Variants in STK17B observed in about 807,000 individuals in gnomAD.
The protein encoded by STK17B is serine/threonine-protein kinase 17B.
In STK17B, 21 loss-of-function variants were observed where a neutral mutation model predicts 42.0. The observed-to-expected ratio is 0.50, with a 90% CI of 0.35 to 0.72. The LOEUF (loss-of-function observed/expected upper bound fraction) is 0.72. STK17B is among the 30% of genes least tolerant of loss of function. The pLI is 0.00. For synonymous variants in STK17B, 143 were observed against 148.4 expected (o/e 0.96, Z 0.26); for missense variants, 349 against 446.0 (o/e 0.78, Z 1.96).
Position 196,143,756 on chromosome 2 carries a change from T to C in STK17B, c.481-70A>G, listed in dbSNP as rs965381313. On this transcript the variant is annotated intron_variant, in intron 4 of 7. Coordinates refer to ENST00000263955, the MANE Select transcript of STK17B (RefSeq NM_004226.4). ...GCATACTAGTCTCAGATGGAAAGTA[T>C]ATTAAGTGGAAGATATTGCTCAGCT... 3.1e-6 allele frequency: 4 copies of C among 1,299,666 alleles called. No homozygotes were observed. In the African/African-American group the frequency reaches 6.1e-5, roughly 20 times the overall value. The allele number at this position is 1,299,666 out of a possible 1,614,324, so 80.5% of individuals were successfully genotyped here.
chr2:196,145,848 T>C (rs1272142852), intron 4 of STK17B, 63 bp downstream of exon 4: 4 of 1,457,476 alleles, frequency 2.7e-6, no homozygotes, highest in African/African-American at 1.4e-5. Context: ...AGTTTGCAAC[T>C]GTGCATACTA....
At position 196,135,777 on chromosome 2, in the gene STK17B, C is replaced by CAAAAAAAAAAAAAAAA. The variant is rs66802894; in HGVS notation, c.*1654_*1669dup. 1 of 50,162 alleles carries CAAAAAAAAAAAAAAAA rather than the reference C, an allele frequency of 2.0e-5. No individual in the cohort carries two copies. Among genetic ancestry groups the CAAAAAAAAAAAAAAAA allele is most frequent in the African/African-American group, 8.8e-5 (1 of 11,416 alleles). The allele number at this position is 50,162 out of a possible 1,614,324, so 3.1% of individuals were successfully genotyped here. ...TGAGAGACAGAGCAAAACTCCATCTCAAAAAAAAAAAAAAAAAAAAAAAGC... is the reference window on the plus strand; with the variant it reads ...TGAGAGACAGAGCAAAACTCCATCTCAAAAAAAAAAAAAAAAAAAAAAAAAAAAAAAAAAAAAAAGC... On this transcript the variant is annotated 3_prime_UTR_variant, in exon 8 of 8. Transcript: ENST00000263955.
At chr2:196,140,185 G>A (rs7596536) in intron 6 of STK17B, among the ~76,000 whole-genome samples, 7,108 of 152,312 alleles carry the variant, frequency 0.047, 392 homozygotes, top group African/African-American at 0.13. Flanking sequence ...CAAGTTTGGC[G>A]AAGCACAAAG....
In STK17B at chr2:196,161,511, C is replaced by CTTTT. The variant is rs71009086; in HGVS notation, c.122+1747_122+1750dup. On this transcript the variant is annotated intron_variant, in intron 2 of 7. Transcript: ENST00000263955. ...GGTCAGTGAGGTAGATATTATAATT[C>CTTTT]TTTTTTTTTTTTTTTTTTTTTTTTT... Among the ~76,000 whole-genome samples the CTTTT allele has an allele frequency of 6.2e-3, 430 of 69,510 alleles. 29 individuals are homozygous for CTTTT. The highest frequency in any genetic ancestry group is 0.018 in the Admixed American group (81 of 4,516). The allele number at this position is 69,510 out of a possible 152,430, so 45.6% of individuals were successfully genotyped here.
At chr2:196,139,507 A>G (rs2105674522) in intron 7 of STK17B, 113 bp downstream of exon 7, 1 of 689,074 alleles carries the variant, frequency 1.5e-6, no homozygotes, top group East Asian at 3.8e-5. Context: ...CATATTTCTA[A>G]TAATTTTATA....
At chr2:196,169,752 A>C (rs924875141) in intron 1 of STK17B, among the ~76,000 whole-genome samples, 2 of 152,244 alleles carry the variant, frequency 1.3e-5, no homozygotes, top group Non-Finnish European at 1.5e-5. Flanking sequence ...TAATTCACTA[A>C]TCAATGATCC....
chr2:196,156,236 A>C, intron 3 of STK17B: 1 of 468,424 alleles, frequency 2.1e-6, no homozygotes, highest in Non-Finnish European at 3.8e-6. Context: ...TCATTTGCTT[A>C]TTCTGTGCTG....
chr2:196,145,021 C>T (rs184269832), intron 4 of STK17B, among the ~76,000 whole-genome samples: 5 of 151,692 alleles, frequency 3.3e-5, no homozygotes, highest in Admixed American at 6.6e-5. Context: ...AATGACCCAA[C>T]AGGAAGCTGG....
intron 1 of STK17B, among the ~76,000 whole-genome samples, chr2:196,167,824 A>G (rs1475875554): frequency 6.6e-6 from 1 of 152,210 alleles, no homozygotes; most frequent in African/African-American, 2.4e-5. Flanking sequence ...TACATTGGAA[A>G]GGCAACAGGA....
intron 2 of STK17B, among the ~76,000 whole-genome samples, chr2:196,158,306 A>G (rs1387419621): frequency 6.6e-6 from 1 of 152,206 alleles, no homozygotes; most frequent in Non-Finnish European, 1.5e-5. Context: ...TATTACCCAA[A>G]TTTCCTCAAA....
In STK17B at chr2:196,169,452, TAAGTGA is replaced by T. The variant is rs1490036994; in HGVS notation, c.-45+1875_-45+1880del. ...TGCAATTTTAAGGCAATTTAACGATTAAGTGAAAGTGTTATTAACTGAATTCCTTGA... is the reference window on the plus strand; with the variant it reads ...TGCAATTTTAAGGCAATTTAACGATTAAGTGTTATTAACTGAATTCCTTGA... On this transcript the variant is annotated intron_variant, in intron 1 of 7. Transcript: ENST00000263955. 2.0e-5 allele frequency among the ~76,000 whole-genome samples: 3 copies of T among 152,226 alleles called. No homozygotes were observed. In the East Asian group the frequency reaches 5.8e-4, roughly 29 times the overall value.
chr2:196,166,777 A>C (rs1699878930), intron 1 of STK17B, among the ~76,000 whole-genome samples: 1 of 152,230 alleles, frequency 6.6e-6, no homozygotes, highest in Non-Finnish European at 1.5e-5. Flanking sequence ...TGATGTGAAC[A>C]AAAGCAAGAC....
chr2:196,169,292 C>T (rs1699908951), intron 1 of STK17B, among the ~76,000 whole-genome samples: 1 of 151,958 alleles, frequency 6.6e-6, no homozygotes, highest in Non-Finnish European at 1.5e-5. Flanking sequence ...GTCTCGAACG[C>T]CTGACCTTAT....
intron 7 of STK17B, among the ~76,000 whole-genome samples, chr2:196,138,124 T>A (rs1264364215): frequency 6.6e-6 from 1 of 152,228 alleles, no homozygotes; most frequent in African/African-American, 2.4e-5. Flanking sequence ...CATTACACCA[T>A]ATTATCTCTC....
At chr2:196,148,585 A>C (rs1156877023) in intron 3 of STK17B, among the ~76,000 whole-genome samples, 1 of 152,222 alleles carries the variant, frequency 6.6e-6, no homozygotes, top group Non-Finnish European at 1.5e-5. Flanking sequence ...TATAAAAATC[A>C]GACCAAATAA....
At chr2:196,157,382 T>C (rs574010028) in intron 2 of STK17B, among the ~76,000 whole-genome samples, 1 of 152,306 alleles carries the variant, frequency 6.6e-6, no homozygotes, top group East Asian at 1.9e-4. Context: ...GGTATCATGT[T>C]AACTCTCTAA....
At position 196,148,668 on chromosome 2, in the gene STK17B, T is replaced by A. The variant is rs981343738; in HGVS notation, c.336-2613A>T. Among the ~76,000 whole-genome samples the A allele has an allele frequency of 4.6e-5, 7 of 152,342 alleles. 1 individual carries two copies. In the South Asian group the frequency reaches 1.4e-3, roughly 32 times the overall value. On this transcript the variant is annotated intron_variant, in intron 3 of 7. Coordinates refer to ENST00000263955, the MANE Select transcript of STK17B (RefSeq NM_004226.4). ...ACCCCCTAAATATATAAAAAATAGA[T>A]GTGTATTCTTCATTTGTACAGCAAC...
intron 3 of STK17B, among the ~76,000 whole-genome samples, chr2:196,146,536 A>G (rs1699578749): frequency 6.6e-6 from 1 of 152,104 alleles, no homozygotes; most frequent in Non-Finnish European, 1.5e-5. Context: ...AAGTGATGAG[A>G]CTATTTCAAA....
chr2:196,158,686 C>T (rs1198815633), intron 2 of STK17B, among the ~76,000 whole-genome samples: 3 of 152,092 alleles, frequency 2.0e-5, no homozygotes, highest in Non-Finnish European at 4.4e-5. Flanking sequence ...ACTTTCTGTT[C>T]TAATCACTAT....
Sources: gnomAD v4.1 joint callset for allele counts (sites outside exome capture counted in the v4.1 genomes callset) on GRCh38, gnomAD v4.1.1 for gene constraint, MANE v1.5 for transcripts, NCBI Gene and HGNC (gene_info 2026-07-23, HGNC 2026-07-21) for gene names.